The following STARD8 variants were observed in gnomAD, a reference collection of about 807,000 sequenced individuals.
The protein encoded by STARD8 is StAR related lipid transfer domain containing 8, also known as stAR-related lipid transfer protein 8.
In STARD8, 25 loss-of-function variants were observed where a neutral mutation model predicts 69.4. The observed-to-expected ratio is 0.36, with a 90% CI of 0.26 to 0.50. The LOEUF (loss-of-function observed/expected upper bound fraction) is 0.50, where lower values mean the gene tolerates loss of function less well. Among genes scored for constraint, STARD8 ranks in the 20% least tolerant of loss-of-function variants. The pLI is 0.96. For synonymous variants in STARD8, 389 were observed against 374.6 expected, an observed-to-expected ratio of 1.04 and a Z score of -0.45; for missense variants, 921 against 932.5, an observed-to-expected ratio of 0.99 and a Z score of 0.16.
chrX:68,697,992 C>T (rs1235672167), intron 2 of STARD8, among the ~76,000 whole-genome samples: 1 of 112,419 alleles, frequency 8.9e-6, no homozygotes, highest in East Asian at 2.8e-4. Flanking sequence ...ATAATAACCA[C>T]CTTGGAAAGT....
intron 2 of STARD8, among the ~76,000 whole-genome samples, chrX:68,687,448 C>G (rs1328322022): frequency 8.9e-6 from 1 of 112,383 alleles, no homozygotes; most frequent in African/African-American, 3.2e-5. Flanking sequence ...ACCCTCCCTC[C>G]TCAGTCTCCA....
intron 1 of STARD8, among the ~76,000 whole-genome samples, chrX:68,661,970 C>CTTTCTTTCTTTCTTTCTTTCTTTCTT (rs1268838074): frequency 1.1e-4 from 6 of 55,999 alleles, no homozygotes; most frequent in East Asian, 6.7e-4. Flanking sequence ...CTCTCTCTCT[C>CTTTCTTTCTTTCTTTCTTTCTTTCTT]TCTTTCTTTC....
intron 2 of STARD8, among the ~76,000 whole-genome samples, chrX:68,683,932 C>T (rs187915011): frequency 6.9e-4 from 77 of 112,336 alleles, no homozygotes; most frequent in African/African-American, 2.4e-3. Flanking sequence ...CTGCCACTGC[C>T]ACTTATGAGC....
At chrX:68,704,380 C>T (rs1252288985) in intron 2 of STARD8, among the ~76,000 whole-genome samples, 2 of 111,312 alleles carry the variant, frequency 1.8e-5, no homozygotes, top group Non-Finnish European at 3.8e-5. Flanking sequence ...AGACTATCTG[C>T]CCCAGGCTGT....
intron 1 of STARD8, among the ~76,000 whole-genome samples, chrX:68,653,858 C>T (rs959341501): frequency 8.9e-6 from 1 of 111,865 alleles, no homozygotes; most frequent in Non-Finnish European, 1.9e-5. Flanking sequence ...TGCCCCCTTC[C>T]AGCACTTAGC....
At chrX:68,704,797 G>A (rs894098515) in intron 2 of STARD8, among the ~76,000 whole-genome samples, 5 of 111,377 alleles carry the variant, frequency 4.5e-5, no homozygotes, top group Non-Finnish European at 9.4e-5. Flanking sequence ...CAGCCACTAC[G>A]CATCACACAC....
intron 1 of STARD8, among the ~76,000 whole-genome samples, chrX:68,664,915 C>G (rs143678327): frequency 8.9e-6 from 1 of 111,880 alleles, no homozygotes; most frequent in East Asian, 2.8e-4. Flanking sequence ...CCTTTATGTA[C>G]GTTAATTTGT....
rs760066155 is a variant in STARD8 at position 68,715,365 on chromosome X, G to A, written c.223G>A (p.Ala75Thr). The A allele has an allele frequency of 8.3e-7, 1 of 1,206,030 alleles. No homozygotes were observed. Among genetic ancestry groups the A allele is most frequent in the East Asian group, 3.0e-5 (1 of 33,685 alleles). ...HGFLDEDSLG[A>T]LCRRLMTLNN... The stretch of plus-strand genomic sequence containing the variant: ...TTTTCTGGACGAGGACTCTTTGGGG[G>A]CCCTGTGTAGGTAGGTGGGCTGAGG... Residue 75 changes from alanine (A) to threonine (T), a missense_variant, in exon 4 of 15, where the codon GCC becomes ACC. Physicochemically the swap from Ala to Thr is moderately conservative, Grantham distance 58. Coordinates refer to ENST00000374599, the MANE Select transcript of STARD8 (RefSeq NM_001142503.3).
intron 2 of STARD8, among the ~76,000 whole-genome samples, chrX:68,678,069 G>C (rs2079777724): frequency 9.0e-6 from 1 of 110,649 alleles, no homozygotes; most frequent in Admixed American, 9.6e-5. Flanking sequence ...TTGCGGCTCT[G>C]ACCTCCAAGT....
intron 1 of STARD8, among the ~76,000 whole-genome samples, chrX:68,652,825 C>CA (rs2079559355): frequency 1.8e-5 from 1 of 55,749 alleles, no homozygotes; most frequent in Non-Finnish European, 3.4e-5. Context: ...CCCCACACAC[C>CA]CCACACCCCA....
chrX:68,653,218 A>C (rs1602535670), intron 1 of STARD8, among the ~76,000 whole-genome samples: 2 of 18,934 alleles, frequency 1.1e-4, no homozygotes, highest in African/African-American at 4.0e-4. Flanking sequence ...ACACCACACA[A>C]CATACACACC....
chrX:68,652,892 A>ACACCCCACACAC lies in STARD8; in HGVS notation c.45+4966_45+4967insACCCCACACACC, dbSNP rs1569350789. On this transcript the variant is annotated intron_variant, in intron 1 of 14. Coordinates refer to ENST00000374599, the MANE Select transcript of STARD8 (RefSeq NM_001142503.3). ...ACACACCCACACCCCACACACACAC[A>ACACCCCACACAC]CCACACCACACACACCACACCACAC... Among the ~76,000 whole-genome samples the ACACCCCACACAC allele has an allele frequency of 8.4e-4, 20 of 23,749 alleles. 1 individual carries two copies. The highest frequency in any genetic ancestry group is 3.1e-3 in the African/African-American group (19 of 6,195). The allele number at this position is 23,749 out of a possible 115,157, so 20.6% of individuals were successfully genotyped here.
chrX:68,689,508 C>T (rs987005431), intron 2 of STARD8, among the ~76,000 whole-genome samples: 7 of 112,492 alleles, frequency 6.2e-5, no homozygotes, highest in South Asian at 3.7e-4. Flanking sequence ...CAGGTCCCCG[C>T]GTATCTGGGA....
intron 2 of STARD8, among the ~76,000 whole-genome samples, chrX:68,670,556 A>G (rs894862352): frequency 2.7e-5 from 3 of 110,937 alleles, no homozygotes; most frequent in East Asian, 5.7e-4. Flanking sequence ...CAGGTCAGGT[A>G]CATCTCCCTA....
At position 68,720,479 on chromosome X, in the gene STARD8, G is replaced by T; in HGVS notation, c.2049+56G>T. ...ATGGTGCAGGGGTGGGGTGGTGGTGGGCATTGGGCTGAAGGCTGAGGAGCT... is the reference window on the plus strand; with the variant it reads ...ATGGTGCAGGGGTGGGGTGGTGGTGTGCATTGGGCTGAAGGCTGAGGAGCT... On this transcript the variant is annotated intron_variant, in intron 8 of 14. Coordinates refer to ENST00000374599, the MANE Select transcript of STARD8 (RefSeq NM_001142503.3). 1.7e-5 allele frequency: 19 copies of T among 1,102,665 alleles called. No homozygotes were observed. The South Asian group carries it at 4.0e-4, about 23-fold the overall frequency. The allele number at this position is 1,102,665 out of a possible 1,213,427, so 90.9% of individuals were successfully genotyped here. A position where few individuals can be genotyped will look rare whatever the true frequency, so the allele number is the denominator to read the frequency against.
Position 68,725,555 on chromosome X carries a change from A to AATATATATATATATATAT in STARD8, c.*1140_*1157dup, listed in dbSNP as rs771897636. ...TTGTACCTGTAAATACTGTACAGCT[A>AATATATATATATATATAT]ATATATATATATATATATATATATG... On this transcript the variant is annotated 3_prime_UTR_variant, in exon 15 of 15. Coordinates refer to ENST00000374599, the MANE Select transcript of STARD8 (RefSeq NM_001142503.3). 1 of 93,486 alleles carries AATATATATATATATATAT rather than the reference A, an allele frequency of 1.1e-5. No individual in the cohort carries two copies. The highest frequency in any genetic ancestry group is 4.2e-5 in the African/African-American group (1 of 23,916). The allele number at this position is 93,486 out of a possible 1,213,427, so 7.7% of individuals were successfully genotyped here. A position where few individuals can be genotyped will look rare whatever the true frequency, so the allele number is the denominator to read the frequency against.
chrX:68,696,128 T>G (rs2079917863), intron 2 of STARD8, among the ~76,000 whole-genome samples: 1 of 112,688 alleles, frequency 8.9e-6, no homozygotes, highest in South Asian at 3.6e-4. Context: ...GGATCAGGTG[T>G]CATGGCCCTG....
chrX:68,651,202 C>T (rs1461405785), intron 1 of STARD8, among the ~76,000 whole-genome samples: 1 of 112,679 alleles, frequency 8.9e-6, no homozygotes, highest in African/African-American at 3.2e-5. Context: ...AGAGACACAG[C>T]CAGGCACATC....
At chrX:68,657,644 T>C (rs1240284391) in intron 1 of STARD8, among the ~76,000 whole-genome samples, 1 of 112,006 alleles carries the variant, frequency 8.9e-6, no homozygotes, top group Non-Finnish European at 1.9e-5. Context: ...GGGATAGCCA[T>C]GCTGAAGTGT....
Sources: gnomAD v4.1 joint callset for allele counts (sites outside exome capture counted in the v4.1 genomes callset) on GRCh38, gnomAD v4.1.1 for gene constraint, MANE v1.5 for transcripts, NCBI Gene and HGNC (gene_info 2026-07-23, HGNC 2026-07-21) for gene names.